Variants in FLG observed in about 807,000 individuals in gnomAD.
FLG encodes epidermal filaggrin.
Under a neutral mutation model 3.8 loss-of-function variants are expected in FLG, and 6 were observed. That is an observed-to-expected ratio of 1.60 (90% confidence interval 0.87 to 3.15). FLG has a LOEUF of 3.15. Ranked by LOEUF, FLG falls within the 30% of genes most tolerant of loss-of-function variation. The probability of loss-of-function intolerance (pLI) is 0.00; values close to 1 mark genes in which losing one functional copy is unlikely to be tolerated. For missense variants in FLG, 7,595 were observed against 5,050.9 expected, an observed-to-expected ratio of 1.50 and a Z score of -15.27; for synonymous variants, 2,551 against 1,931.6, an observed-to-expected ratio of 1.32 and a Z score of -8.41.
rs377581972 is a variant in FLG at position 152,309,017 on chromosome 1, G to A, written c.5869C>T (p.Pro1957Ser). The A allele has an allele frequency of 1.9e-6, 3 of 1,613,992 alleles. No homozygotes were observed. The highest frequency in any genetic ancestry group is 1.7e-6 in the Non-Finnish European group (2 of 1,180,008). The change falls in exon 3 of 3, where the codon CCT (proline) becomes TCT (serine). Residue 1957 changes from proline (P) to serine (S), a missense_variant. Physicochemically the swap from Pro to Ser is moderately conservative, Grantham distance 74. Coordinates refer to ENST00000368799, the MANE Select transcript of FLG (RefSeq NM_002016.2). ...GCTCTGTCTTCGTGATGGGACCCAG[G>A]GTGTCTGGAGCCATCTCTTGACTGC... is the stretch of plus-strand genomic sequence containing the variant. ...WEQSRDGSRH[P>S]GSHHEDRAGH...
rs1169951877 is a variant in FLG, at chr1:152,304,657, C to A, written c.10229G>T (p.Arg3410Ile). Reference sequence around the variant, plus strand: ...TGCCTGCTCGTGGTGGGATCCTTGTCTTCGTCCAGTGCTGGTCCTGGTCCG... The same window carrying A: ...TGCCTGCTCGTGGTGGGATCCTTGTATTCGTCCAGTGCTGGTCCTGGTCCG... ...HGRTRTSTGR[R>I]QGSHHEQARD... The change falls in exon 3 of 3, where the codon AGA (arginine) becomes ATA (isoleucine). Residue 3410 changes from arginine (R) to isoleucine (I), a missense_variant. Transcript: ENST00000368799. 4.3e-6 allele frequency: 7 copies of A among 1,611,860 alleles called. No individual in the cohort carries two copies. The South Asian group carries it at 6.6e-5, about 15-fold the overall frequency.
At position 152,311,139 on chromosome 1, in the gene FLG, G is replaced by T. The variant is rs369860969; in HGVS notation, c.3747C>A (p.His1249Gln). Residue 1249 changes from histidine (H) to glutamine (Q), a missense_variant, in exon 3 of 3, where the codon CAC becomes CAA. Transcript: ENST00000368799. ...EAASWADSSR[H>Q]SQVGQEQSSG... is the part of the protein sequence containing the mutation. ...ATGATTGTTCCTGTCCCACCTGTGA[G>T]TGTCTAGAGCTGTCAGCCCAAGAGG... 47 of 1,613,804 alleles carry T rather than the reference G, an allele frequency of 2.9e-5. No individual in the cohort carries two copies. The highest frequency in any genetic ancestry group is 3.6e-5 in the Non-Finnish European group (42 of 1,180,012).
rs142456327 is a variant in FLG at position 152,310,159 on chromosome 1, A to G, written c.4727T>C (p.Val1576Ala). The change falls in exon 3 of 3, where the codon GTG becomes GCG. Residue 1576 changes from valine to alanine, a missense_variant. Transcript: ENST00000368799. ...TRAGSSRHSQ[V>A]GQGESAGSKT... ...GGACCCCGCTGATTCTCCCTGGCCC[A>G]CCTGTGAGTGTCTAGAGCTGCCGGC... is the stretch of plus-strand genomic sequence containing the variant. The G allele has an allele frequency of 5.0e-6, 8 of 1,613,464 alleles. No homozygotes were observed. The highest frequency in any genetic ancestry group is 2.7e-5 in the African/African-American group (2 of 74,690).
chr1:152,302,677 T>C lies in FLG; in HGVS notation c.*23A>G. 2 of 1,612,826 alleles carry C rather than the reference T, an allele frequency of 1.2e-6. No homozygotes were observed. The highest frequency in any genetic ancestry group is 1.7e-6 in the Non-Finnish European group (2 of 1,179,384). ...CTTGCTTCATTCTTCTATTCTTGGA[T>C]TAATTCCTTTGCCATTAATTTCTTA... On this transcript the variant is annotated 3_prime_UTR_variant, in exon 3 of 3. Coordinates refer to ENST00000368799, the MANE Select transcript of FLG (RefSeq NM_002016.2).
Position 152,312,720 on chromosome 1 carries a change from G to A in FLG, c.2166C>T (p.His722=). 1.9e-6 allele frequency: 3 copies of A among 1,614,070 alleles called. No homozygotes were observed. Among genetic ancestry groups the A allele is most frequent in the East Asian group, 2.2e-5 (1 of 44,868 alleles). The change falls in exon 3 of 3, where the codon CAC becomes CAT. Residue 722 remains histidine (H), a synonymous_variant. Coordinates refer to ENST00000368799, the MANE Select transcript of FLG (RefSeq NM_002016.2). ...HQLQSADSSR[H]SGTGHGQASS... ...AAGCTTGTCCGTGCCCAGTGCCTGA[G>A]TGTCTGGAGCTGTCTGCTGACTGGA...
rs1437683131 is a variant in FLG, at chr1:152,307,400, T to C, written c.7486A>G (p.Thr2496Ala). The C allele has an allele frequency of 1.9e-6, 3 of 1,613,118 alleles. No individual in the cohort carries two copies. The highest frequency in any genetic ancestry group is 1.3e-5 in the African/African-American group (1 of 74,796). The change falls in exon 3 of 3, where the codon ACA becomes GCA. Residue 2496 changes from threonine (T) to alanine (A), a missense_variant. Transcript: ENST00000368799. ...GAGGCATCAGACCTTCCCTGGGATG[T>C]GGTGTGGCTGTGATGAGACCCTGAG... ...GHSGSHHSHT[T>A]SQGRSDASHG...
At position 152,312,886 on chromosome 1, in the gene FLG, C is replaced by T. The variant is rs1652562264; in HGVS notation, c.2000G>A (p.Arg667Lys). ...SRHPRSHHEDRAGHGHSADSS... is the reference protein window; with the variant it reads ...SRHPRSHHEDKAGHGHSADSS... ...GTCTGCAGAGTGCCCATGACCAGCT[C>T]TGTCTTCGTGATGGGACCTGGGGTG... Residue 667 changes from arginine (R) to lysine (K), a missense_variant, in exon 3 of 3, where the codon AGA becomes AAA. Physicochemically the swap from Arg to Lys is conservative, Grantham distance 26. Transcript: ENST00000368799. 6.2e-7 allele frequency: 1 copy of T among 1,614,074 alleles called. No homozygotes were observed. The highest frequency in any genetic ancestry group is 8.5e-7 in the Non-Finnish European group (1 of 1,180,032).
chr1:152,314,753 C>T lies in FLG; in HGVS notation c.139-6G>A. On this transcript the variant is annotated splice_region_variant and splice_polypyrimidine_tract_variant and intron_variant, in intron 2 of 2. Coordinates refer to ENST00000368799, the MANE Select transcript of FLG (RefSeq NM_002016.2). ...ATATCTGGGTCATCTGGATTCTGTA[C>T]AGAGGGAAGTCACAGAGGGAGACTG... is the stretch of plus-strand genomic sequence containing the variant. The T allele has an allele frequency of 6.2e-7, 1 of 1,613,832 alleles. No individual in the cohort carries two copies. Among genetic ancestry groups the T allele is most frequent in the Non-Finnish European group, 8.5e-7 (1 of 1,179,828 alleles).
At position 152,312,724 on chromosome 1, in the gene FLG, C is replaced by G; in HGVS notation, c.2162G>C (p.Arg721Thr). Residue 721 changes from arginine (R) to threonine (T), a missense_variant, in exon 3 of 3, where the codon AGA (arginine) becomes ACA (threonine). Physicochemically the swap from Arg to Thr is moderately conservative, Grantham distance 71. Coordinates refer to ENST00000368799, the MANE Select transcript of FLG (RefSeq NM_002016.2). Reference sequence around the variant, plus strand: ...TTGTCCGTGCCCAGTGCCTGAGTGTCTGGAGCTGTCTGCTGACTGGAGCTG... The same window carrying G: ...TTGTCCGTGCCCAGTGCCTGAGTGTGTGGAGCTGTCTGCTGACTGGAGCTG... ...RHQLQSADSS[R>T]HSGTGHGQAS... 1 of 1,614,058 alleles carries G rather than the reference C, an allele frequency of 6.2e-7. No individual in the cohort carries two copies. The highest frequency in any genetic ancestry group is 8.5e-7 in the Non-Finnish European group (1 of 1,180,048).
chr1:152,309,497 C>A lies in FLG; in HGVS notation c.5389G>T (p.Ala1797Ser). Residue 1797 changes from alanine (A) to serine (S), a missense_variant, in exon 3 of 3, where the codon GCA becomes TCA. Transcript: ENST00000368799. ...GGRQRSRHEQARDSSRHSASQ... is the reference protein window; with the variant it reads ...GGRQRSRHEQSRDSSRHSASQ... Reference sequence around the variant, plus strand: ...GCTGAGTGCCTGGAGCTGTCTCGTGCCTGCTCGTGGCGGGATCTTTGTCTT... The same window carrying A: ...GCTGAGTGCCTGGAGCTGTCTCGTGACTGCTCGTGGCGGGATCTTTGTCTT... The A allele has an allele frequency of 6.2e-7, 1 of 1,613,796 alleles. No homozygotes were observed. The highest frequency in any genetic ancestry group is 8.5e-7 in the Non-Finnish European group (1 of 1,179,946).
At chr1:152,319,261 G>A (rs771480300) in intron 1 of FLG, among the ~76,000 whole-genome samples, 1 of 150,376 alleles carries the variant, frequency 6.6e-6, no homozygotes, top group East Asian at 2.0e-4. Context: ...AGATTGCTTT[G>A]TGCAATTGTT....
Position 152,304,456 on chromosome 1 carries a change from C to A in FLG, c.10430G>T (p.Arg3477Leu), listed in dbSNP as rs201858426. The A allele has an allele frequency of 9.3e-6, 15 of 1,612,278 alleles. 1 individual carries two copies. The highest frequency in any genetic ancestry group is 1.7e-4 in the Middle Eastern group (1 of 6,050). ...GGCACTTCTGGATCCTGACTGCCCA[C>A]GGGAGGCATCAGACCTTCCCTGGGA... Reference protein sequence around the residue: ...TTSQGRSDASRGQSGSRSASR... With the variant: ...TTSQGRSDASLGQSGSRSASR... Residue 3477 changes from arginine (R) to leucine (L), a missense_variant, in exon 3 of 3, where the codon CGT (arginine) becomes CTT (leucine). Arg to Leu is a moderately radical substitution (Grantham distance 102). Transcript: ENST00000368799.
chr1:152,308,349 G>A lies in FLG; in HGVS notation c.6537C>T (p.Ala2179=). 1 of 1,613,652 alleles carries A rather than the reference G, an allele frequency of 6.2e-7. No individual in the cohort carries two copies. The change falls in exon 3 of 3, where the codon GCC becomes GCT. Residue 2179 remains alanine (A), a synonymous_variant. Transcript: ENST00000368799. ...SHTTSQGRSD[A]SRGQSGSRSA... ...TTCTGGATCCTGACTGCCCACGGGA[G>A]GCATCAGACCTTCCCTGGGATGTGG...
chr1:152,309,027 G>T lies in FLG; in HGVS notation c.5859C>A (p.Gly1953=), dbSNP rs1325352364. 2 of 1,614,178 alleles carry T rather than the reference G, an allele frequency of 1.2e-6. No homozygotes were observed. The highest frequency in any genetic ancestry group is 8.5e-7 in the Non-Finnish European group (1 of 1,180,008). Residue 1953 remains glycine, a synonymous_variant, in exon 3 of 3, where the codon GGC becomes GGA. Coordinates refer to ENST00000368799, the MANE Select transcript of FLG (RefSeq NM_002016.2). The part of the protein sequence containing the change: ...LGSAWEQSRD[G]SRHPGSHHED... ...CGTGATGGGACCCAGGGTGTCTGGA[G>T]CCATCTCTTGACTGCTCCCAAGCAG...
In FLG at chr1:152,313,637, A is replaced by AC. The variant is rs763225328; in HGVS notation, c.1248dup (p.Ser417ValfsTer2). 19 of 1,613,066 alleles carry AC rather than the reference A, an allele frequency of 1.2e-5. No homozygotes were observed. The East Asian group carries it at 3.3e-4, about 28-fold the overall frequency. On this transcript the variant is annotated frameshift_variant, in exon 3 of 3. Transcript: ENST00000368799. LOFTEE classifies it low-confidence loss of function (END_TRUNC). ...CTGTCACTGGCCTGACTACCGCTAGACCCCCGGTGTCCACGATCGCTGACT... is the reference window on the plus strand; with the variant it reads ...CTGTCACTGGCCTGACTACCGCTAGACCCCCCGGTGTCCACGATCGCTGACT...
chr1:152,308,255 G>T lies in FLG; in HGVS notation c.6631C>A (p.His2211Asn), dbSNP rs1462883657. 3 of 1,613,998 alleles carry T rather than the reference G, an allele frequency of 1.9e-6. No homozygotes were observed. Among genetic ancestry groups the T allele is most frequent in the Non-Finnish European group, 2.5e-6 (3 of 1,179,950 alleles). The change falls in exon 3 of 3, where the codon CAT becomes AAT. Residue 2211 changes from histidine (H) to asparagine (N), a missense_variant. Coordinates refer to ENST00000368799, the MANE Select transcript of FLG (RefSeq NM_002016.2). ...DGSRHSGSHH[H>N]EASSWADSSR... is the part of the protein sequence containing the mutation. ...CTGTCGGCCCAAGAGGAAGCTTCAT[G>T]ATGATGCGACCCTGAGTGCCTAGAG...
Position 152,311,317 on chromosome 1 carries a change from T to C in FLG, c.3569A>G (p.His1190Arg), listed in dbSNP as rs1004682745. ...HHEQSVDRSG[H>R]SGSHHSHTTS... ...GGTGTGGCTGTGATGGGACCCTGAG[T>C]GTCCAGATCTATCTACCGATTGCTC... is the stretch of plus-strand genomic sequence containing the variant. Residue 1190 changes from histidine to arginine, a missense_variant, in exon 3 of 3, where the codon CAC becomes CGC. Coordinates refer to ENST00000368799, the MANE Select transcript of FLG (RefSeq NM_002016.2). 6.2e-7 allele frequency: 1 copy of C among 1,613,830 alleles called. No homozygotes were observed. Among genetic ancestry groups the C allele is most frequent in the Admixed American group, 1.7e-5 (1 of 59,994 alleles).
chr1:152,321,463 C>T (rs1402110451), intron 1 of FLG, among the ~76,000 whole-genome samples: 1 of 150,872 alleles, frequency 6.6e-6, no homozygotes, highest in Non-Finnish European at 1.5e-5. Context: ...GTACCAATAT[C>T]AGGAAAGTAA....
intron 1 of FLG, among the ~76,000 whole-genome samples, chr1:152,318,569 T>A (rs1180919105): frequency 6.7e-6 from 1 of 149,460 alleles, no homozygotes. Context: ...ACCTTCTTTT[T>A]AAAAAAAATC....
Sources: gnomAD v4.1 joint callset for allele counts (sites outside exome capture counted in the v4.1 genomes callset) on GRCh38, gnomAD v4.1.1 for gene constraint, MANE v1.5 for transcripts, NCBI Gene and HGNC (gene_info 2026-07-23, HGNC 2026-07-21) for gene names.